The following ATP11A variants were observed in gnomAD, a reference collection of about 807,000 sequenced individuals.
ATP11A encodes the protein ATPase phospholipid transporting 11A.
A neutral mutation model predicts 154.4 loss-of-function variants in ATP11A; 81 were observed. The observed-to-expected ratio is 0.52, with a 90% CI of 0.44 to 0.63. The LOEUF (loss-of-function observed/expected upper bound fraction) is 0.63. ATP11A is among the 30% of genes least tolerant of loss of function. ATP11A has a pLI of 0.00. For missense variants in ATP11A, 1,316 were observed against 1,474.3 expected (o/e 0.89, Z 1.76); for synonymous variants, 623 against 585.9 (o/e 1.06, Z -0.91).
At chr13:112,723,925 A>G (rs764089582) in intron 1 of ATP11A, among the ~76,000 whole-genome samples, 5 of 152,094 alleles carry the variant, frequency 3.3e-5, no homozygotes, top group Non-Finnish European at 7.4e-5. Flanking sequence ...CTCGTGTCAC[A>G]CGGGCTCGGG....
At chr13:112,881,533 C>A in intron 29 of ATP11A, 1 of 1,135,222 alleles carries the variant, frequency 8.8e-7, no homozygotes. Flanking sequence ...CCCTGGGGCC[C>A]CTGGGTTCTT....
intron 1 of ATP11A, among the ~76,000 whole-genome samples, chr13:112,719,433 C>A (rs917699043): frequency 6.6e-6 from 1 of 152,146 alleles, no homozygotes; most frequent in Non-Finnish European, 1.5e-5. Flanking sequence ...GGGAATAATC[C>A]CATTTGCCGA....
At position 112,883,403 on chromosome 13, in the gene ATP11A, A is replaced by G. The variant is rs2080926953; in HGVS notation, c.*1537A>G. 2.6e-6 allele frequency: 1 copy of G among 388,918 alleles called. No individual in the cohort carries two copies. The highest frequency in any genetic ancestry group is 4.5e-6 in the Non-Finnish European group (1 of 220,350). The allele number at this position is 388,918 out of a possible 1,614,324, so 24.1% of individuals were successfully genotyped here. Reference sequence around the variant, plus strand: ...AACTGCTGCCTTTCAGGAAAGCACCACCAACGCTGGAGGAGGAGCCGGCCC... The same window carrying G: ...AACTGCTGCCTTTCAGGAAAGCACCGCCAACGCTGGAGGAGGAGCCGGCCC... On this transcript the variant is annotated 3_prime_UTR_variant, in exon 30 of 30. Coordinates refer to ENST00000375645, the MANE Select transcript of ATP11A (RefSeq NM_015205.3).
intron 1 of ATP11A, among the ~76,000 whole-genome samples, chr13:112,694,327 G>A (rs1885537039): frequency 6.6e-6 from 1 of 152,184 alleles, no homozygotes; most frequent in Non-Finnish European, 1.5e-5. Flanking sequence ...TGTTAACATA[G>A]CTGAGTCCCT....
At chr13:112,828,085 TGG>T (rs2078978844) in intron 12 of ATP11A, among the ~76,000 whole-genome samples, 1 of 83,436 alleles carries the variant, frequency 1.2e-5, no homozygotes, top group South Asian at 3.7e-4. Context: ...GCGTTGAGTG[TGG>T]GGGAAAGCGC....
chr13:112,742,924 G>A (rs1891708994), intron 1 of ATP11A, among the ~76,000 whole-genome samples: 1 of 152,210 alleles, frequency 6.6e-6, no homozygotes, highest in African/African-American at 2.4e-5. Flanking sequence ...CGTGGGCAGA[G>A]GGGAGAGGCA....
At chr13:112,794,971 C>T (rs879742723) in intron 2 of ATP11A, among the ~76,000 whole-genome samples, 1 of 152,156 alleles carries the variant, frequency 6.6e-6, no homozygotes, top group Non-Finnish European at 1.5e-5. Context: ...CTGCCAGGTG[C>T]GGTGGCTCAC....
chr13:112,879,523 T>C (rs1256306337), intron 29 of ATP11A, among the ~76,000 whole-genome samples: 3 of 152,178 alleles, frequency 2.0e-5, no homozygotes, highest in Non-Finnish European at 2.9e-5. Context: ...TAACGATTCA[T>C]GTAGTTTGTT....
intron 1 of ATP11A, among the ~76,000 whole-genome samples, chr13:112,771,144 C>A (rs1382788948): frequency 3.3e-5 from 5 of 152,202 alleles, no homozygotes; most frequent in Non-Finnish European, 7.3e-5. Flanking sequence ...GCATTCTAAC[C>A]CCATTCTAAC....
intron 2 of ATP11A, among the ~76,000 whole-genome samples, chr13:112,793,598 G>C (rs2077919085): frequency 6.6e-6 from 1 of 152,198 alleles, no homozygotes; most frequent in Non-Finnish European, 1.5e-5. Flanking sequence ...TTGCATCCCT[G>C]CCTCCCGGTC....
intron 29 of ATP11A, among the ~76,000 whole-genome samples, chr13:112,878,641 G>A (rs1009114664): frequency 3.9e-5 from 6 of 152,236 alleles, no homozygotes; most frequent in African/African-American, 1.4e-4. Context: ...TAAGCAGGAA[G>A]GTGTGAGAGT....
At chr13:112,804,880 A>T in intron 2 of ATP11A, 77 bp from the exon 3 acceptor site, 1 of 812,846 alleles carries the variant, frequency 1.2e-6, no homozygotes, top group Non-Finnish European at 1.9e-6. Context: ...ATCCAGTGCT[A>T]CTTACTATGC....
At chr13:112,734,371 T>A (rs1342756916) in intron 1 of ATP11A, among the ~76,000 whole-genome samples, 1 of 152,116 alleles carries the variant, frequency 6.6e-6, no homozygotes, top group African/African-American at 2.4e-5. Context: ...CACAATAATA[T>A]TGGGCTGAAA....
intron 1 of ATP11A, among the ~76,000 whole-genome samples, chr13:112,759,480 C>T (rs1281503261): frequency 6.6e-6 from 1 of 152,232 alleles, no homozygotes; most frequent in Non-Finnish European, 1.5e-5. Flanking sequence ...CATTTTTAAC[C>T]TGAGCGATGT....
intron 1 of ATP11A, among the ~76,000 whole-genome samples, chr13:112,776,680 C>T (rs2077356793): frequency 6.6e-6 from 1 of 152,194 alleles, no homozygotes; most frequent in Non-Finnish European, 1.5e-5. Flanking sequence ...ACTGCAACCT[C>T]CACCTCCCAG....
At chr13:112,798,995 G>T (rs893533506) in intron 2 of ATP11A, among the ~76,000 whole-genome samples, 8 of 152,162 alleles carry the variant, frequency 5.3e-5, no homozygotes, top group Non-Finnish European at 1.2e-4. Context: ...TACTCAAAGG[G>T]ACACAAGATT....
chr13:112,790,058 C>T (rs1469802856), intron 2 of ATP11A, among the ~76,000 whole-genome samples: 2 of 151,354 alleles, frequency 1.3e-5, no homozygotes, highest in Non-Finnish European at 2.9e-5. Flanking sequence ...ACTTAATTCA[C>T]ACCCGGCATC....
chr13:112,881,126 T>G (rs2080871591), intron 29 of ATP11A: 1 of 987,794 alleles, frequency 1.0e-6, no homozygotes, highest in Non-Finnish European at 1.2e-6. Flanking sequence ...TGAAGACATC[T>G]GCTCCTGCCA....
intron 1 of ATP11A, among the ~76,000 whole-genome samples, chr13:112,728,386 T>C (rs1325261823): frequency 2.0e-5 from 3 of 147,430 alleles, no homozygotes; most frequent in South Asian, 4.4e-4. Flanking sequence ...GGAGGGGCCA[T>C]GAGACTGTGC....
Sources: gnomAD v4.1 joint callset for allele counts (sites outside exome capture counted in the v4.1 genomes callset) on GRCh38, gnomAD v4.1.1 for gene constraint, MANE v1.5 for transcripts, NCBI Gene and HGNC (gene_info 2026-07-23, HGNC 2026-07-21) for gene names.